The following RCSD1 variants were observed in gnomAD, a reference collection of about 807,000 sequenced individuals.
RCSD1 encodes capZ-interacting protein.
In RCSD1, 26 loss-of-function variants were observed where a neutral mutation model predicts 42.5. The observed-to-expected ratio is 0.61, with a 90% CI of 0.45 to 0.85. RCSD1 has a LOEUF of 0.85. RCSD1 is among the 40% of genes least tolerant of loss of function. The pLI, the probability that RCSD1 is intolerant of heterozygous loss-of-function variation, is 0.00. For synonymous variants in RCSD1, 220 were observed against 212.2 expected (o/e 1.04, Z -0.32); for missense variants, 571 against 528.3 (o/e 1.08, Z -0.79).
chr1:167,644,138 G>A (rs868580102), intron 1 of RCSD1, among the ~76,000 whole-genome samples: 21 of 152,150 alleles, frequency 1.4e-4, no homozygotes, highest in South Asian at 4.1e-4. Flanking sequence ...TCAGGCTCAT[G>A]GGCAGCCAAA....
At chr1:167,638,204 T>C (rs1256030828) in intron 1 of RCSD1, among the ~76,000 whole-genome samples, 6 of 152,134 alleles carry the variant, frequency 3.9e-5, no homozygotes, top group Non-Finnish European at 2.9e-5. Context: ...TTGTCATCCT[T>C]TACAGATATG....
chr1:167,691,493 G>A (rs1338173730), intron 4 of RCSD1, among the ~76,000 whole-genome samples: 1 of 152,238 alleles, frequency 6.6e-6, no homozygotes, highest in Non-Finnish European at 1.5e-5. Flanking sequence ...GGCTGTAGGA[G>A]AGGTTCCTGT....
intron 1 of RCSD1, among the ~76,000 whole-genome samples, chr1:167,673,472 G>A (rs1481475614): frequency 6.6e-6 from 1 of 152,214 alleles, no homozygotes; most frequent in African/African-American, 2.4e-5. Flanking sequence ...CTTGAGGTAT[G>A]AGCTGGCACC....
At chr1:167,649,230 C>CTGG (rs1244059802) in intron 1 of RCSD1, among the ~76,000 whole-genome samples, 2 of 152,054 alleles carry the variant, frequency 1.3e-5, no homozygotes, top group African/African-American at 4.8e-5. Flanking sequence ...GAGGAAGTAG[C>CTGG]GTGAAAGAGG....
chr1:167,686,983 C>T (rs1659250178), intron 3 of RCSD1, among the ~76,000 whole-genome samples: 1 of 152,122 alleles, frequency 6.6e-6, no homozygotes, highest in Non-Finnish European at 1.5e-5. Context: ...AAGTTTTATC[C>T]CCTAGAGTAA....
rs899474233 is a variant in RCSD1, at chr1:167,707,854, C to A, written c.*3158C>A. Among the ~76,000 whole-genome samples the A allele has an allele frequency of 3.9e-5, 6 of 152,098 alleles. No individual in the cohort carries two copies. Among genetic ancestry groups the A allele is most frequent in the African/African-American group, 1.4e-4 (6 of 41,400 alleles). ...GGATTACAAGTATGCACCACCATGC[C>A]CAGCTAATTTTTGTATTTTTTAGTA... On this transcript the variant is annotated 3_prime_UTR_variant, in exon 7 of 7. Transcript: ENST00000367854.
intron 4 of RCSD1, among the ~76,000 whole-genome samples, chr1:167,692,807 G>A (rs34945506): frequency 0.16 from 23,930 of 152,052 alleles, 2,136 homozygotes; most frequent in East Asian, 0.21. Context: ...CCTTCTAAAC[G>A]TGTGCAATGC....
intron 4 of RCSD1, among the ~76,000 whole-genome samples, chr1:167,691,129 G>A (rs563426718): frequency 2.0e-5 from 3 of 152,310 alleles, no homozygotes; most frequent in African/African-American, 4.8e-5. Flanking sequence ...TGTTGCAGGG[G>A]CTGTCTCGTG....
intron 1 of RCSD1, among the ~76,000 whole-genome samples, chr1:167,632,423 C>A (rs991160625): frequency 6.6e-6 from 1 of 152,152 alleles, no homozygotes; most frequent in East Asian, 1.9e-4. Context: ...GGGTCTCCTT[C>A]CACAGAGGCA....
At chr1:167,659,162 T>A (rs1053957815) in intron 1 of RCSD1, among the ~76,000 whole-genome samples, 1 of 152,202 alleles carries the variant, frequency 6.6e-6, no homozygotes, top group South Asian at 2.1e-4. Context: ...ACAAGTACTA[T>A]CGTAAGTTTG....
intron 3 of RCSD1, among the ~76,000 whole-genome samples, chr1:167,689,546 A>G (rs1220528420): frequency 6.6e-6 from 1 of 152,154 alleles, no homozygotes; most frequent in African/African-American, 2.4e-5. Context: ...TTGGAAAATC[A>G]TAATTTATAA....
At chr1:167,687,415 C>G (rs1415978305) in intron 3 of RCSD1, among the ~76,000 whole-genome samples, 2 of 151,546 alleles carry the variant, frequency 1.3e-5, no homozygotes, top group Non-Finnish European at 1.5e-5. Flanking sequence ...CCCAGCTACT[C>G]GAGAGGCTTA....
chr1:167,689,057 G>A (rs193168251), intron 3 of RCSD1, among the ~76,000 whole-genome samples: 2 of 152,276 alleles, frequency 1.3e-5, no homozygotes, highest in Admixed American at 1.3e-4. Flanking sequence ...ACAACTAACA[G>A]AGAGTACGTA....
At chr1:167,676,400 G>A (rs1658953210) in intron 1 of RCSD1, among the ~76,000 whole-genome samples, 1 of 152,224 alleles carries the variant, frequency 6.6e-6, no homozygotes, top group African/African-American at 2.4e-5. Context: ...AAGGATGATA[G>A]ATGTTAATGG....
At chr1:167,682,235 T>C (rs1316451820) in intron 1 of RCSD1, among the ~76,000 whole-genome samples, 6 of 151,428 alleles carry the variant, frequency 4.0e-5, no homozygotes, top group Non-Finnish European at 8.8e-5. Flanking sequence ...AGTGGTGTGA[T>C]CTTGGCTCAC....
intron 1 of RCSD1, among the ~76,000 whole-genome samples, chr1:167,681,212 C>G (rs541884111): frequency 6.6e-6 from 1 of 152,214 alleles, no homozygotes; most frequent in African/African-American, 2.4e-5. Context: ...TAACTGATGT[C>G]CATTACTGGA....
At position 167,697,598 on chromosome 1, in the gene RCSD1, A is replaced by G. The variant is rs959942823; in HGVS notation, c.974A>G (p.Glu325Gly). ...TEVKGERVQN[E>G]EVGPEHDSQE... The stretch of plus-strand genomic sequence containing the variant: ...GTGAAGGGGGAGAGGGTGCAAAATG[A>G]AGAGGTGGGACCTGAACATGACAGC... Residue 325 changes from glutamate (E) to glycine (G), a missense_variant, in exon 6 of 7, where the codon GAA becomes GGA. By Grantham distance (98) the Glu-to-Gly change is moderately conservative. Transcript: ENST00000367854. The G allele has an allele frequency of 6.2e-7, 1 of 1,608,056 alleles. No individual in the cohort carries two copies. The highest frequency in any genetic ancestry group is 8.5e-7 in the Non-Finnish European group (1 of 1,177,464).
At chr1:167,644,516 C>A (rs1403896743) in intron 1 of RCSD1, among the ~76,000 whole-genome samples, 14 of 152,042 alleles carry the variant, frequency 9.2e-5, no homozygotes, top group South Asian at 4.2e-4. Flanking sequence ...TACATACATA[C>A]ATACATACAT....
chr1:167,682,481 T>C (rs1202203679), intron 1 of RCSD1, among the ~76,000 whole-genome samples: 2 of 152,234 alleles, frequency 1.3e-5, no homozygotes, highest in Non-Finnish European at 2.9e-5. Flanking sequence ...CAAAGCCTTC[T>C]TCTCAAAACT....
Sources: gnomAD v4.1 joint callset for allele counts (sites outside exome capture counted in the v4.1 genomes callset) on GRCh38, gnomAD v4.1.1 for gene constraint, MANE v1.5 for transcripts, NCBI Gene and HGNC (gene_info 2026-07-23, HGNC 2026-07-21) for gene names.